The following FAM53A variants were observed in gnomAD, a reference collection of about 807,000 sequenced individuals.
FAM53A encodes family with sequence similarity 53 member A.
In FAM53A, 28 loss-of-function variants were observed where a neutral mutation model predicts 26.6. The ratio of observed to expected loss-of-function variants is 1.05; its 90% CI spans 0.78 to 1.45. FAM53A has a LOEUF of 1.45. FAM53A is among the 40% of genes most tolerant of loss of function. The probability of loss-of-function intolerance (pLI) is 0.00; values close to 1 mark genes in which losing one functional copy is unlikely to be tolerated. For synonymous variants in FAM53A, 290 were observed against 253.1 expected (o/e 1.15, Z -1.38); for missense variants, 650 against 575.8 (o/e 1.13, Z -1.32).
intron 2 of FAM53A, among the ~76,000 whole-genome samples, chr4:1,665,421 G>A (rs543410623): frequency 3.9e-5 from 6 of 151,950 alleles, no homozygotes; most frequent in Admixed American, 3.3e-4. Context: ...CCCTGGAAGC[G>A]GAGTTGCAAT....
At chr4:1,681,210 C>T (rs532836486) in intron 1 of FAM53A, among the ~76,000 whole-genome samples, 3 of 152,252 alleles carry the variant, frequency 2.0e-5, no homozygotes, top group African/African-American at 2.4e-5. Context: ...GATTCTCCCA[C>T]GTCAGCCTCC....
At chr4:1,673,205 A>AG (rs769121412) in intron 1 of FAM53A, among the ~76,000 whole-genome samples, 30 of 152,136 alleles carry the variant, frequency 2.0e-4, no homozygotes, top group African/African-American at 5.3e-4. Context: ...CCCAGACTGG[A>AG]GGGGGTCCCA....
intron 1 of FAM53A, among the ~76,000 whole-genome samples, chr4:1,629,120 C>T (rs1275166180): frequency 1.3e-5 from 2 of 152,014 alleles, no homozygotes; most frequent in East Asian, 1.9e-4. Context: ...GCGGATACCT[C>T]GCCCAGCCCA....
At chr4:1,613,545 G>A (rs776582068), downstream of FAM53A, among the ~76,000 whole-genome samples, 2 of 152,196 alleles carry the variant, frequency 1.3e-5, no homozygotes, top group South Asian at 2.1e-4. Flanking sequence ...ATAAGCACAC[G>A]CAGGCACCAC....
the FAM53A span, among the ~76,000 whole-genome samples, chr4:1,599,047 T>C: frequency 1.3e-5 from 2 of 152,236 alleles, no homozygotes; most frequent in Non-Finnish European, 2.9e-5. The surrounding 1 kb of genome is among the most constrained non-coding windows in gnomAD (Gnocchi z 6.1). Context: ...CCTCCTGGCC[T>C]GGCAGACCCT....
chr4:1,651,984 C>T (rs1279963267), intron 4 of FAM53A, among the ~76,000 whole-genome samples: 7 of 150,626 alleles, frequency 4.6e-5, no homozygotes, highest in Non-Finnish European at 1.0e-4. Flanking sequence ...ACACACCACA[C>T]GCACACCTCA....
intron 1 of FAM53A, among the ~76,000 whole-genome samples, chr4:1,670,904 C>T (rs576037498): frequency 2.6e-5 from 4 of 151,968 alleles, no homozygotes; most frequent in African/African-American, 4.8e-5. Context: ...GCGTCAGAGC[C>T]CCCAGCTCAC....
intron 1 of FAM53A, among the ~76,000 whole-genome samples, chr4:1,624,372 G>A (rs939804395): frequency 1.3e-5 from 2 of 152,160 alleles, no homozygotes; most frequent in Middle Eastern, 3.2e-3. Flanking sequence ...GAGAAACTGA[G>A]GCTCTGAGGG....
the FAM53A span, among the ~76,000 whole-genome samples, chr4:1,601,587 C>T: frequency 1.8e-5 from 2 of 110,108 alleles, 1 homozygote; most frequent in Admixed American, 2.0e-4. Flanking sequence ...GCCCCATCTG[C>T]CATGCGCCCC....
intron 1 of FAM53A, among the ~76,000 whole-genome samples, chr4:1,676,559 C>G (rs1169275215): frequency 6.6e-6 from 1 of 152,104 alleles, no homozygotes; most frequent in Admixed American, 6.5e-5. Flanking sequence ...GCTTACAAAC[C>G]AATACTGAGC....
the FAM53A span, among the ~76,000 whole-genome samples, chr4:1,598,239 G>A: frequency 1.3e-5 from 2 of 152,244 alleles, no homozygotes; most frequent in East Asian, 1.9e-4. Flanking sequence ...GGCCCTGGGC[G>A]GTGGGGAAGG....
chr4:1,680,702 G>C (rs1339601657), intron 1 of FAM53A, among the ~76,000 whole-genome samples: 2 of 152,048 alleles, frequency 1.3e-5, no homozygotes, highest in East Asian at 3.9e-4. Flanking sequence ...GTCACTAAGT[G>C]AAAGAAACGG....
Position 1,655,303 on chromosome 4 carries a change from C to G in FAM53A, c.557G>C (p.Arg186Pro), listed in dbSNP as rs770870208. 9.9e-6 allele frequency: 14 copies of G among 1,416,832 alleles called. No homozygotes were observed. In the East Asian group the frequency reaches 3.9e-4, roughly 40 times the overall value. 87.8% of individuals were successfully genotyped at this position (1,416,832 alleles called of 1,614,324 possible). ...STGPTSPATP[R>P]PSSASGGFVD... ...GAAGCCGCCGCTGGCGGAGGACGGC[C>G]GGGGCGTGGCGGGCGAGGTGGGACC... is the stretch of plus-strand genomic sequence containing the variant. The change falls in exon 4 of 5, where the codon CGG becomes CCG. Residue 186 changes from arginine (R) to proline (P), a missense_variant. Arg to Pro is a moderately radical substitution (Grantham distance 103, BLOSUM62 -2). Transcript: ENST00000308132.
At chr4:1,670,111 C>T (rs1391814121) in intron 1 of FAM53A, among the ~76,000 whole-genome samples, 1 of 151,942 alleles carries the variant, frequency 6.6e-6, no homozygotes, top group Non-Finnish European at 1.5e-5. Flanking sequence ...ACCGCCCGGC[C>T]ACGTGGGCCA....
At chr4:1,578,472 G>C in the FAM53A span, among the ~76,000 whole-genome samples, 1 of 151,894 alleles carries the variant, frequency 6.6e-6, no homozygotes. Context: ...GAGCCGGTGT[G>C]GCCTGGAAGC....
Position 1,684,277 on chromosome 4 carries a change from C to T in FAM53A, c.-209G>A, listed in dbSNP as rs1715658523. The T allele has an allele frequency of 6.6e-6, 1 of 151,068 alleles. No homozygotes were observed. Among genetic ancestry groups the T allele is most frequent in the African/African-American group, 2.4e-5 (1 of 41,208 alleles). 9.4% of individuals were successfully genotyped at this position (151,068 alleles called of 1,614,324 possible). ...TGCGGAGCGAGAAGACTGCCGGCCG[C>T]CCAGGCCCCGCTCGCTCAGGGCGAC... On this transcript the variant is annotated 5_prime_UTR_variant, in exon 1 of 5. Coordinates refer to ENST00000308132, the MANE Select transcript of FAM53A (RefSeq NM_001174070.3).
At position 1,668,720 on chromosome 4, in the gene FAM53A, T is replaced by G; in HGVS notation, c.22A>C (p.Lys8Gln). 1 of 1,614,158 alleles carries G rather than the reference T, an allele frequency of 6.2e-7. No homozygotes were observed. The highest frequency in any genetic ancestry group is 2.2e-5 in the East Asian group (1 of 44,880). Residue 8 changes from lysine (K) to glutamine (Q), a missense_variant, in exon 2 of 5, where the codon AAG (lysine) becomes CAG (glutamine). By Grantham distance (53) the Lys-to-Gln change is moderately conservative (BLOSUM62 1). Transcript: ENST00000308132. ...TCGTCCAGGCTCTGGCTCTGCAGCTTCTCAGTGATGAGTGTGACCATGGTC... is the reference window on the plus strand; with the variant it reads ...TCGTCCAGGCTCTGGCTCTGCAGCTGCTCAGTGATGAGTGTGACCATGGTC... MVTLITE[K>Q]LQSQSLDDLT...
At chr4:1,602,429 G>T in the FAM53A span, among the ~76,000 whole-genome samples, 9 of 152,240 alleles carry the variant, frequency 5.9e-5, no homozygotes, top group Non-Finnish European at 1.3e-4. Context: ...TGCGGCAAAT[G>T]AAATGGTGTC....
At chr4:1,623,427 G>C (rs942618117) in intron 1 of FAM53A, among the ~76,000 whole-genome samples, 3 of 151,928 alleles carry the variant, frequency 2.0e-5, no homozygotes, top group African/African-American at 7.3e-5. Context: ...TGTGAGGCTT[G>C]GCCACGGTCT....
Sources: gnomAD v4.1 joint callset for allele counts (sites outside exome capture counted in the v4.1 genomes callset) on GRCh38, gnomAD v4.1.1 for gene constraint, Gnocchi (gnomAD v3.1) non-coding constraint, MANE v1.5 for transcripts, NCBI Gene and HGNC (gene_info 2026-07-23, HGNC 2026-07-21) for gene names.